DESI1: variants seen among roughly 807,000 people sequenced by gnomAD.
DESI1 encodes the protein PPPDE peptidase domain containing 2.
Under a neutral mutation model 22.4 loss-of-function variants are expected in DESI1, and 17 were observed. The observed-to-expected ratio is 0.76, with a 90% confidence interval of 0.52 to 1.14. The LOEUF is 1.14. Among genes scored for constraint, DESI1 ranks in the 50% most tolerant of loss-of-function variants. DESI1 has a pLI of 0.00. For synonymous variants in DESI1, 92 were observed against 84.2 expected, an observed-to-expected ratio of 1.09 and a Z score of -0.51; for missense variants, 177 against 208.9, an observed-to-expected ratio of 0.85 and a Z score of 0.94.
At chr22:41,608,743 G>T (rs553337294) in intron 1 of DESI1, among the ~76,000 whole-genome samples, 1 of 152,242 alleles carries the variant, frequency 6.6e-6, no homozygotes, top group Admixed American at 6.5e-5. Context: ...GATAGCAGAT[G>T]AATTGGAGGG....
At chr22:41,612,687 C>T (rs1195931637) in intron 1 of DESI1, among the ~76,000 whole-genome samples, 2 of 151,378 alleles carry the variant, frequency 1.3e-5, no homozygotes, top group Admixed American at 1.3e-4. Context: ...CCTTGACCTC[C>T]CAGGCTCAAG....
chr22:41,617,322 T>G (rs902379340), intron 1 of DESI1, among the ~76,000 whole-genome samples: 3 of 152,188 alleles, frequency 2.0e-5, no homozygotes, highest in African/African-American at 7.2e-5. Context: ...TAACAGGACT[T>G]ATCTCACAAA....
intron 1 of DESI1, among the ~76,000 whole-genome samples, chr22:41,618,652 T>TA (rs142299381): frequency 0.05 from 7,540 of 152,094 alleles, 283 homozygotes; most frequent in Non-Finnish European, 0.07. Flanking sequence ...GGTAATAGGA[T>TA]AAAAAATACC....
At chr22:41,601,746 C>G (rs767424767) in intron 5 of DESI1, among the ~76,000 whole-genome samples, 1 of 152,170 alleles carries the variant, frequency 6.6e-6, no homozygotes, top group Admixed American at 6.5e-5. Context: ...ACAGAGTCTA[C>G]CTCTAGCCTA....
At chr22:41,615,690 A>G (rs1179047153) in intron 1 of DESI1, among the ~76,000 whole-genome samples, 3 of 152,196 alleles carry the variant, frequency 2.0e-5, no homozygotes, top group African/African-American at 7.2e-5. Flanking sequence ...ATACTTACTG[A>G]ACACCTGCTC....
intron 5 of DESI1, among the ~76,000 whole-genome samples, chr22:41,601,569 G>A (rs962172459): frequency 6.7e-6 from 1 of 148,256 alleles, no homozygotes; most frequent in Non-Finnish European, 1.5e-5. Context: ...TTTAAGCAGG[G>A]AAACTGAGGC....
At chr22:41,613,923 C>T (rs1334414821) in intron 1 of DESI1, among the ~76,000 whole-genome samples, 3 of 152,158 alleles carry the variant, frequency 2.0e-5, no homozygotes, top group Non-Finnish European at 4.4e-5. Context: ...ACTGAATTTG[C>T]CTGTAAGCTA....
At position 41,600,918 on chromosome 22, in the gene DESI1, TTC is replaced by T; in HGVS notation, c.*177_*178del. The T allele has an allele frequency of 3.3e-6, 2 of 610,720 alleles. No individual in the cohort carries two copies. The highest frequency in any genetic ancestry group is 5.9e-6 in the Non-Finnish European group (2 of 340,750). The allele number at this position is 610,720 out of a possible 1,614,324, so 37.8% of individuals were successfully genotyped here. A position where few individuals can be genotyped will look rare whatever the true frequency, so the allele number is the denominator to read the frequency against. The stretch of plus-strand genomic sequence containing the variant: ...TACTATTAGAAGGGGTGGCATTTTG[TTC>T]TGTTTCTTAGCAGCATTGTCTACAT... On this transcript the variant is annotated 3_prime_UTR_variant, in exon 6 of 6. Coordinates refer to ENST00000263256, the MANE Select transcript of DESI1 (RefSeq NM_015704.3).
rs1420852646 is a variant in DESI1, at chr22:41,600,733, G to GT, written c.*363dup. The GT allele has an allele frequency of 4.6e-5, 10 of 218,172 alleles. No homozygotes were observed. Among genetic ancestry groups the GT allele is most frequent in the Non-Finnish European group, 7.5e-5 (8 of 106,096 alleles). 13.5% of individuals were successfully genotyped at this position (218,172 alleles called of 1,614,324 possible). The stretch of plus-strand genomic sequence containing the variant: ...CAGGTGTTGGCAACTTGGGTAGAGC[G>GT]TGAGTGTTCTCTGGAAAGAGTTCTA... On this transcript the variant is annotated 3_prime_UTR_variant, in exon 6 of 6. Coordinates refer to ENST00000263256, the MANE Select transcript of DESI1 (RefSeq NM_015704.3).
intron 4 of DESI1, 145 bp from the exon 5 acceptor site, chr22:41,603,526 T>G: frequency 7.7e-7 from 1 of 1,299,878 alleles, no homozygotes. Context: ...AAAGCACTGC[T>G]TATTTGCCAT....
At chr22:41,603,960 G>C in intron 4 of DESI1, 84 bp downstream of exon 4, 1 of 1,240,086 alleles carries the variant, frequency 8.1e-7, no homozygotes, top group South Asian at 1.3e-5. Context: ...TGATAAGGAT[G>C]ATATGACATG....
chr22:41,619,355 G>A (rs1456502402), intron 1 of DESI1, among the ~76,000 whole-genome samples: 1 of 152,194 alleles, frequency 6.6e-6, no homozygotes, highest in Non-Finnish European at 1.5e-5. Flanking sequence ...TAGATATTAT[G>A]TGTATGTAAT....
chr22:41,618,013 C>A (rs1044450488), intron 1 of DESI1, among the ~76,000 whole-genome samples: 11 of 152,184 alleles, frequency 7.2e-5, no homozygotes, highest in Non-Finnish European at 1.2e-4. Flanking sequence ...GTGGCTACTT[C>A]TTCCTCATCC....
In DESI1 at chr22:41,613,329, A is replaced by G. The variant is rs55951279; in HGVS notation, c.89-5468T>C. On this transcript the variant is annotated intron_variant, in intron 1 of 5. Transcript: ENST00000263256. ...TTTCCAGGATTAAAAGAGACGATAC[A>G]TGACACATGCGTAGCACAGGGTCTG... 2.6e-3 allele frequency among the ~76,000 whole-genome samples: 403 copies of G among 152,370 alleles called. 2 individuals are homozygous for G. The highest frequency in any genetic ancestry group is 4.7e-3 in the Non-Finnish European group (322 of 68,038).
chr22:41,613,199 C>T (rs1019438216), intron 1 of DESI1, among the ~76,000 whole-genome samples: 1 of 152,186 alleles, frequency 6.6e-6, no homozygotes, highest in African/African-American at 2.4e-5. Flanking sequence ...CAGTGCAGAT[C>T]TAGAACATTT....
chr22:41,609,699 G>C (rs1177835236), intron 1 of DESI1, among the ~76,000 whole-genome samples: 1 of 152,144 alleles, frequency 6.6e-6, no homozygotes, highest in Non-Finnish European at 1.5e-5. Flanking sequence ...TCAGGAGGCT[G>C]AGGCACGAGA....
chr22:41,620,130 CTG>C (rs1223224866), intron 1 of DESI1, among the ~76,000 whole-genome samples: 1 of 152,210 alleles, frequency 6.6e-6, no homozygotes, highest in African/African-American at 2.4e-5. Flanking sequence ...AACTTAGAAA[CTG>C]TGGGGAGAAG....
intron 3 of DESI1, among the ~76,000 whole-genome samples, chr22:41,606,540 G>A (rs564214898): frequency 1.3e-5 from 2 of 152,062 alleles, no homozygotes; most frequent in South Asian, 2.1e-4. Context: ...TTGGGAGGCC[G>A]AGGTGGGCTA....
At chr22:41,608,482 T>C (rs1007277886) in intron 1 of DESI1, among the ~76,000 whole-genome samples, 3 of 152,218 alleles carry the variant, frequency 2.0e-5, no homozygotes, top group African/African-American at 7.2e-5. Flanking sequence ...AAACTACTTT[T>C]GTGAGCTTCC....
Sources: gnomAD v4.1 joint callset for allele counts (sites outside exome capture counted in the v4.1 genomes callset) on GRCh38, gnomAD v4.1.1 for gene constraint, MANE v1.5 for transcripts, NCBI Gene and HGNC (gene_info 2026-07-23, HGNC 2026-07-21) for gene names.